Variants in VDAC1 observed in about 807,000 individuals in gnomAD.
VDAC1 encodes non-selective voltage-gated ion channel VDAC1.
In VDAC1, 10 loss-of-function variants were observed where a neutral mutation model predicts 34.7. The ratio of observed to expected loss-of-function variants is 0.29; its 90% CI spans 0.18 to 0.49. The LOEUF is 0.49. Ranked by LOEUF, VDAC1 falls within the 20% of genes least tolerant of loss-of-function variation. The probability of loss-of-function intolerance (pLI) is 0.99; values close to 1 mark genes in which losing one functional copy is unlikely to be tolerated. For synonymous variants in VDAC1, 130 were observed against 136.0 expected, an observed-to-expected ratio of 0.96 and a Z score of 0.30; for missense variants, 230 against 347.9, an observed-to-expected ratio of 0.66 and a Z score of 2.69.
the VDAC1 span, among the ~76,000 whole-genome samples, chr5:134,087,205 G>A: frequency 6.6e-6 from 1 of 152,076 alleles, no homozygotes; most frequent in African/African-American, 2.4e-5. Flanking sequence ...TGGGGTTCGC[G>A]TCCCTCCTCT....
At chr5:134,034,398 G>A in the VDAC1 span, among the ~76,000 whole-genome samples, 1 of 152,236 alleles carries the variant, frequency 6.6e-6, no homozygotes, top group African/African-American at 2.4e-5. Flanking sequence ...TTGAAACGAG[G>A]GTGGGCCCCT....
intron 6 of VDAC1, among the ~76,000 whole-genome samples, chr5:133,978,875 T>G (rs1351982364): frequency 6.6e-6 from 1 of 152,092 alleles, no homozygotes; most frequent in Non-Finnish European, 1.5e-5. Context: ...TAGCCAGGTG[T>G]GGTGGCATGC....
chr5:134,043,741 C>T, the VDAC1 span, among the ~76,000 whole-genome samples: 1 of 152,066 alleles, frequency 6.6e-6, no homozygotes, highest in African/African-American at 2.4e-5. Context: ...TTATGTTGCC[C>T]AAGCTCATCT....
intron 6 of VDAC1, among the ~76,000 whole-genome samples, chr5:133,978,514 TCA>T (rs1423415656): frequency 1.2e-4 from 19 of 152,224 alleles, no homozygotes; most frequent in African/African-American, 4.6e-4. Context: ...ACTGCCTGAT[TCA>T]CAGAGAATCC....
intron 1 of VDAC1, among the ~76,000 whole-genome samples, chr5:133,995,994 G>A (rs745733142): frequency 1.1e-4 from 17 of 152,154 alleles, no homozygotes; most frequent in South Asian, 4.2e-4. Flanking sequence ...CTGATACACA[G>A]CTGTCTCTGC....
chr5:134,010,292 T>C, the VDAC1 span, among the ~76,000 whole-genome samples: 3 of 152,048 alleles, frequency 2.0e-5, no homozygotes, highest in Non-Finnish European at 4.4e-5. Context: ...TGAGGAAATA[T>C]GGTTACAAAA....
intron 5 of VDAC1, among the ~76,000 whole-genome samples, chr5:133,989,889 C>T (rs529349729): frequency 1.3e-5 from 2 of 152,104 alleles, no homozygotes; most frequent in Non-Finnish European, 2.9e-5. Context: ...CTCAAACTTC[C>T]GACCTCAGGT....
chr5:134,104,605 C>G, the VDAC1 span, among the ~76,000 whole-genome samples: 2 of 152,184 alleles, frequency 1.3e-5, no homozygotes, highest in African/African-American at 4.8e-5. Context: ...TTTAACCTCC[C>G]TCCCCCACCT....
At chr5:134,030,844 C>T in the VDAC1 span, among the ~76,000 whole-genome samples, 1 of 152,224 alleles carries the variant, frequency 6.6e-6, no homozygotes, top group East Asian at 1.9e-4. Context: ...AACTCCTGAC[C>T]TCAAGTGATC....
At chr5:134,057,703 AG>A in the VDAC1 span, among the ~76,000 whole-genome samples, 1 of 150,382 alleles carries the variant, frequency 6.6e-6, no homozygotes, top group African/African-American at 2.4e-5. Context: ...AAAAAAAAAA[AG>A]GATATGTGTC....
the VDAC1 span, among the ~76,000 whole-genome samples, chr5:134,035,117 G>A: frequency 6.6e-6 from 1 of 152,172 alleles, no homozygotes; most frequent in African/African-American, 2.4e-5. Context: ...GCAAGGACCA[G>A]GCTCTTGGAG....
At chr5:134,031,434 A>C in the VDAC1 span, among the ~76,000 whole-genome samples, 2 of 152,216 alleles carry the variant, frequency 1.3e-5, no homozygotes, top group Non-Finnish European at 2.9e-5. Flanking sequence ...ATTTTGAAAT[A>C]GGGAAATTAT....
At chr5:134,074,396 C>T in the VDAC1 span, among the ~76,000 whole-genome samples, 5,656 of 152,132 alleles carry the variant, frequency 0.037, 345 homozygotes, top group African/African-American at 0.13. Flanking sequence ...GGACATTAAA[C>T]TTGGGAGCAA....
chr5:133,987,428 A>C (rs1475518767), intron 5 of VDAC1, among the ~76,000 whole-genome samples: 1 of 152,140 alleles, frequency 6.6e-6, no homozygotes, highest in Non-Finnish European at 1.5e-5. Flanking sequence ...CTGTAATCCC[A>C]ACAATTTGGG....
intron 1 of VDAC1, among the ~76,000 whole-genome samples, chr5:133,996,801 T>C (rs1410203203): frequency 6.6e-6 from 1 of 152,128 alleles, no homozygotes; most frequent in African/African-American, 2.4e-5. Context: ...TAGGAACTCA[T>C]TACAATGCAA....
chr5:133,983,329 G>C (rs1440009545), intron 5 of VDAC1, among the ~76,000 whole-genome samples: 3 of 151,536 alleles, frequency 2.0e-5, no homozygotes, highest in African/African-American at 7.3e-5. Flanking sequence ...CTTTAAAATG[G>C]ATTATTGCCA....
chr5:134,065,630 T>G, the VDAC1 span, among the ~76,000 whole-genome samples: 1 of 152,030 alleles, frequency 6.6e-6, no homozygotes, highest in African/African-American at 2.4e-5. Context: ...CATGAGCCAC[T>G]GTGCCCTGCC....
intron 1 of VDAC1, among the ~76,000 whole-genome samples, chr5:134,000,444 T>C (rs1324125683): frequency 6.6e-6 from 1 of 152,150 alleles, no homozygotes; most frequent in Non-Finnish European, 1.5e-5. Flanking sequence ...CAAGGGGAGA[T>C]GGCCTGCGCT....
chr5:134,065,859 T>C, the VDAC1 span, among the ~76,000 whole-genome samples: 1 of 140,094 alleles, frequency 7.1e-6, no homozygotes, highest in South Asian at 2.3e-4. Flanking sequence ...AGTGGTGCCA[T>C]CTTGGCTCAC....
Sources: allele counts gnomAD v4.1 joint callset (sites outside exome capture counted in the v4.1 genomes callset), GRCh38; gene constraint gnomAD v4.1.1; transcripts MANE v1.5; gene names NCBI Gene and HGNC (gene_info 2026-07-23, HGNC 2026-07-21).